PCDHA7: variants seen among roughly 807,000 people sequenced by gnomAD.
PCDHA7 encodes the protein protocadherin alpha-7.
In PCDHA7, 37 loss-of-function variants were observed where a neutral mutation model predicts 57.2. That is an observed-to-expected ratio of 0.65 (90% CI 0.50 to 0.85). PCDHA7 has a LOEUF of 0.85. PCDHA7 is among the 40% of genes least tolerant of loss of function. The pLI, the probability that PCDHA7 is intolerant of heterozygous loss-of-function variation, is 0.00. For missense variants in PCDHA7, 1,188 were observed against 1,241.8 expected (o/e 0.96, Z 0.65); for synonymous variants, 553 against 558.8 (o/e 0.99, Z 0.15).
intron 1 of PCDHA7, chr5:140,841,561 G>T (rs2150318242): frequency 8.1e-6 from 13 of 1,613,932 alleles, no homozygotes; most frequent in Non-Finnish European, 1.1e-5. Context: ...TAAGTCTGCA[G>T]AATGGCATTT....
At chr5:140,853,228 T>C (rs2042677094) in intron 1 of PCDHA7, 2 of 982,222 alleles carry the variant, frequency 2.0e-6, no homozygotes, top group Non-Finnish European at 2.5e-6. Flanking sequence ...ATTGGTAATT[T>C]AGTCCTTCAT....
intron 3 of PCDHA7, among the ~76,000 whole-genome samples, chr5:141,006,206 AT>A (rs1178693799): frequency 1.4e-5 from 2 of 147,854 alleles, no homozygotes. Flanking sequence ...GTTATGCCTC[AT>A]TTTTTTTTAA....
chr5:140,884,499 C>T (rs782667822), intron 1 of PCDHA7: 1 of 1,614,062 alleles, frequency 6.2e-7, no homozygotes, highest in South Asian at 1.1e-5. Flanking sequence ...TGCTCCAGCG[C>T]GGCAGGGAGT....
At position 140,834,371 on chromosome 5, in the gene PCDHA7, C is replaced by G. The variant is rs2150215996; in HGVS notation, c.-13C>G. Reference sequence around the variant, plus strand: ...AAGTTTTGCTGACTAGAAAAACAAGCCAATAATTTGAAATGGTGTGCCCGA... The same window carrying G: ...AAGTTTTGCTGACTAGAAAAACAAGGCAATAATTTGAAATGGTGTGCCCGA... On this transcript the variant is annotated 5_prime_UTR_variant, in exon 1 of 4. Coordinates refer to ENST00000525929, the MANE Select transcript of PCDHA7 (RefSeq NM_018910.3). 3.9e-6 allele frequency: 6 copies of G among 1,557,822 alleles called. No individual in the cohort carries two copies. In the African/African-American group the frequency reaches 8.2e-5, roughly 21 times the overall value.
Position 140,985,739 on chromosome 5 carries a change from C to CTT in PCDHA7, c.2503+3195_2503+3196dup, listed in dbSNP as rs11372071. 6.5e-3 allele frequency among the ~76,000 whole-genome samples: 761 copies of CTT among 117,902 alleles called. 21 individuals carry two copies. The highest frequency in any genetic ancestry group is 0.054 in the East Asian group (218 of 4,012). The allele number at this position is 117,902 out of a possible 152,430, so 77.3% of individuals were successfully genotyped here. On this transcript the variant is annotated intron_variant, in intron 3 of 3. Transcript: ENST00000525929. ...TTATTTTTCCTTCACTGATGAATTC[C>CTT]TTTTTTTTTTTTTTTTTTTTGAGAC...
intron 1 of PCDHA7, among the ~76,000 whole-genome samples, chr5:140,944,651 C>T (rs1554216459): frequency 6.6e-6 from 1 of 152,152 alleles, no homozygotes; most frequent in Non-Finnish European, 1.5e-5. Context: ...ATTGGGAGTC[C>T]ATACCCCTTA....
At chr5:140,911,160 G>A (rs1226577638) in intron 1 of PCDHA7, among the ~76,000 whole-genome samples, 1 of 152,086 alleles carries the variant, frequency 6.6e-6, no homozygotes, top group African/African-American at 2.4e-5. Context: ...AGACAAATGT[G>A]GAAAGGCTGA....
In PCDHA7 at chr5:140,842,704, G is replaced by A. The variant is rs151170990; in HGVS notation, c.2355+5966G>A. 2,141 of 1,595,136 alleles carry A rather than the reference G, an allele frequency of 1.3e-3. 215 individuals are homozygous for A. The highest frequency in any genetic ancestry group is 5.2e-3 in the African/African-American group (389 of 74,336). On this transcript the variant is annotated intron_variant, in intron 1 of 3. Transcript: ENST00000525929. ...CGGCGTTCGCGCAGCCCGAGTACAC[G>A]GTGTTCGTGAAGGAGAACAACCCGC... is the stretch of plus-strand genomic sequence containing the variant.
At chr5:140,960,551 G>T (rs2095555454) in intron 1 of PCDHA7, among the ~76,000 whole-genome samples, 1 of 152,102 alleles carries the variant, frequency 6.6e-6, no homozygotes, top group Admixed American at 6.5e-5. Flanking sequence ...CCTTCATATA[G>T]ACTGAGCTTA....
At chr5:140,928,332 C>T in intron 1 of PCDHA7, 1 of 1,614,182 alleles carries the variant, frequency 6.2e-7, no homozygotes, top group Non-Finnish European at 8.5e-7. Context: ...ATGGCCTTGT[C>T]TCTTATGAGC....
intron 1 of PCDHA7, among the ~76,000 whole-genome samples, chr5:140,940,236 A>G (rs1487572447): frequency 1.3e-5 from 2 of 152,200 alleles, no homozygotes; most frequent in East Asian, 3.8e-4. Flanking sequence ...TTGGTACATT[A>G]AAGTTACCTC....
At chr5:140,927,430 A>C (rs782761686) in intron 1 of PCDHA7, 4 of 1,614,152 alleles carry the variant, frequency 2.5e-6, no homozygotes, top group Non-Finnish European at 3.4e-6. Flanking sequence ...GGTTGACGGC[A>C]GCGAATACCC....
rs371246236 is a variant in PCDHA7 at position 140,876,855 on chromosome 5, A to G, written c.2355+40117A>G. ...CTGCGTTCGCGCAGCCCGAGTACACAGTGTTCGTGAAGGAGAACAACCCGC... is the reference window on the plus strand; with the variant it reads ...CTGCGTTCGCGCAGCCCGAGTACACGGTGTTCGTGAAGGAGAACAACCCGC... On this transcript the variant is annotated intron_variant, in intron 1 of 3. Coordinates refer to ENST00000525929, the MANE Select transcript of PCDHA7 (RefSeq NM_018910.3). The G allele has an allele frequency of 2.0e-4, 322 of 1,614,052 alleles. 4 individuals are homozygous for G. The East Asian group carries it at 3.4e-3, about 17-fold the overall frequency.
intron 1 of PCDHA7, chr5:140,858,764 G>C: frequency 4.4e-6 from 2 of 451,976 alleles, no homozygotes; most frequent in Non-Finnish European, 8.0e-6. Context: ...ACAAATATTT[G>C]TGAGATTAGT....
At position 140,970,091 on chromosome 5, in the gene PCDHA7, G is replaced by A. The variant is rs542039822; in HGVS notation, c.2356-8858G>A. ...AATGAGTGGATTAGGGGTGTGGGGG[G>A]ATGGTGAAGACCAAGAGAAGCTGGG... On this transcript the variant is annotated intron_variant, in intron 1 of 3. Coordinates refer to ENST00000525929, the MANE Select transcript of PCDHA7 (RefSeq NM_018910.3). 3.9e-4 allele frequency among the ~76,000 whole-genome samples: 59 copies of A among 152,258 alleles called. 1 individual carries two copies. Among genetic ancestry groups the A allele is most frequent in the Admixed American group, 1.1e-3 (17 of 15,292 alleles).
intron 1 of PCDHA7, among the ~76,000 whole-genome samples, chr5:140,955,475 C>T (rs246017): frequency 0.56 from 85,566 of 151,816 alleles, 24,719 homozygotes; most frequent in African/African-American, 0.69. Context: ...TGCTTGGCAC[C>T]TCTCCTTCCT....
intron 1 of PCDHA7, chr5:140,876,792 A>T: frequency 6.2e-7 from 1 of 1,614,116 alleles, no homozygotes; most frequent in Non-Finnish European, 8.5e-7. Context: ...CCACGGCTAG[A>T]GTGTCCGTGG....
rs1772916837 is a variant in PCDHA7, at chr5:140,834,349, T to C, written c.-35T>C. 6.5e-7 allele frequency: 1 copy of C among 1,534,320 alleles called. No homozygotes were observed. Among genetic ancestry groups the C allele is most frequent in the Non-Finnish European group, 8.8e-7 (1 of 1,139,316 alleles). On this transcript the variant is annotated 5_prime_UTR_variant, in exon 1 of 4. Coordinates refer to ENST00000525929, the MANE Select transcript of PCDHA7 (RefSeq NM_018910.3). The stretch of plus-strand genomic sequence containing the variant: ...ACATTCCTATAAATTCGAAGGCAAG[T>C]TTTGCTGACTAGAAAAACAAGCCAA...
intron 1 of PCDHA7, among the ~76,000 whole-genome samples, chr5:140,924,539 C>T (rs1554201995): frequency 6.6e-6 from 1 of 152,050 alleles, no homozygotes; most frequent in African/African-American, 2.4e-5. Flanking sequence ...CCGAGCTACC[C>T]CTCTCCCCAC....
Sources: gnomAD v4.1 joint callset for allele counts (sites outside exome capture counted in the v4.1 genomes callset) on GRCh38, gnomAD v4.1.1 for gene constraint, MANE v1.5 for transcripts, NCBI Gene and HGNC (gene_info 2026-07-23, HGNC 2026-07-21) for gene names.